Variants in CAMK4 observed in about 807,000 individuals in gnomAD.
CAMK4 encodes the protein calcium/calmodulin dependent protein kinase IV.
CAMK4 carries 22 observed loss-of-function variants against 44.9 expected under a neutral mutation model. That is an observed-to-expected ratio of 0.49 (90% CI 0.35 to 0.70). The LOEUF is 0.70. CAMK4 is among the 30% of genes least tolerant of loss of function. The probability of loss-of-function intolerance (pLI) is 0.01; values close to 1 mark genes in which losing one functional copy is unlikely to be tolerated. For missense variants in CAMK4, 498 were observed against 586.8 expected (o/e 0.85, Z 1.56); for synonymous variants, 218 against 215.4 (o/e 1.01, Z -0.11).
In CAMK4 at chr5:111,287,391, A is replaced by G. The variant is rs115391738; in HGVS notation, c.162-56633A>G. On this transcript the variant is annotated intron_variant, in intron 1 of 10. Transcript: ENST00000282356. ...TTAGAGTTTAGAAAAGATCAATAAAAAAAAGCTTTGGTTCATATTTCAAAA... is the reference window on the plus strand; with the variant it reads ...TTAGAGTTTAGAAAAGATCAATAAAGAAAAGCTTTGGTTCATATTTCAAAA... Among the ~76,000 whole-genome samples, 271 of 152,312 alleles carry G rather than the reference A, an allele frequency of 1.8e-3. 2 individuals are homozygous for G. The highest frequency in any genetic ancestry group is 6.1e-3 in the African/African-American group (252 of 41,584).
intron 1 of CAMK4, among the ~76,000 whole-genome samples, chr5:111,255,121 T>C (rs928299235): frequency 5.1e-4 from 78 of 152,304 alleles, no homozygotes; most frequent in African/African-American, 1.8e-3. Context: ...CAAAATTCCC[T>C]GGTGTAATTG....
At chr5:111,332,444 G>A (rs1749211269) in intron 1 of CAMK4, among the ~76,000 whole-genome samples, 1 of 151,412 alleles carries the variant, frequency 6.6e-6, no homozygotes, top group Non-Finnish European at 1.5e-5. Flanking sequence ...ATTCCACGAT[G>A]TATATGTGCC....
chr5:111,273,230 A>G (rs1750590746), intron 1 of CAMK4, among the ~76,000 whole-genome samples: 1 of 152,216 alleles, frequency 6.6e-6, no homozygotes, highest in African/African-American at 2.4e-5. Flanking sequence ...ACAAACATTT[A>G]TGATACAGTA....
chr5:111,360,010 G>A (rs560270225), intron 2 of CAMK4, among the ~76,000 whole-genome samples: 1 of 152,046 alleles, frequency 6.6e-6, no homozygotes, highest in South Asian at 2.1e-4. Flanking sequence ...AGGGGAATGT[G>A]GGTGAGTGTC....
chr5:111,460,271 C>A (rs386850), intron 7 of CAMK4, among the ~76,000 whole-genome samples: 1 of 131,584 alleles, frequency 7.6e-6, no homozygotes, highest in African/African-American at 2.9e-5. Context: ...TTTTCTTTTT[C>A]TTTTTTTTTT....
At chr5:111,232,076 C>G (rs1748499284) in intron 1 of CAMK4, among the ~76,000 whole-genome samples, 2 of 152,036 alleles carry the variant, frequency 1.3e-5, no homozygotes, top group African/African-American at 4.8e-5. Flanking sequence ...TTTGTGCTAC[C>G]TAAAGTCCTC....
intron 2 of CAMK4, among the ~76,000 whole-genome samples, chr5:111,346,657 G>T (rs577766716): frequency 1.3e-5 from 2 of 151,852 alleles, no homozygotes; most frequent in Non-Finnish European, 2.9e-5. Context: ...GAGCTGGCAG[G>T]GTTGGTTCCA....
intron 8 of CAMK4, among the ~76,000 whole-genome samples, chr5:111,474,567 A>G (rs1291907422): frequency 5.9e-5 from 9 of 152,186 alleles, no homozygotes. Flanking sequence ...GAGCTGGGGC[A>G]TCAACATATG....
intron 2 of CAMK4, among the ~76,000 whole-genome samples, chr5:111,367,474 AAAAACTCTAGAATGCACTGTGATTGGAC>A (rs1750836223): frequency 6.6e-6 from 1 of 152,096 alleles, no homozygotes; most frequent in Non-Finnish European, 1.5e-5. Context: ...AGTAACAGAT[AAAAACTCTAGAATGCACTGTGATTGGAC>A]AAAACTCTGA....
intron 1 of CAMK4, among the ~76,000 whole-genome samples, chr5:111,230,924 A>G (rs965239612): frequency 2.0e-5 from 3 of 152,120 alleles, no homozygotes; most frequent in African/African-American, 4.8e-5. Flanking sequence ...TCATACTGCA[A>G]AATATGGTGT....
chr5:111,367,989 C>T (rs2112809565), intron 2 of CAMK4, among the ~76,000 whole-genome samples: 1 of 152,232 alleles, frequency 6.6e-6, no homozygotes, highest in East Asian at 1.9e-4. Flanking sequence ...TTTCCTCACT[C>T]TCACTGTGTT....
chr5:111,465,460 AG>A (rs1297221712), intron 7 of CAMK4, among the ~76,000 whole-genome samples: 2 of 152,208 alleles, frequency 1.3e-5, no homozygotes, highest in African/African-American at 2.4e-5. Flanking sequence ...ACCATTAGCA[AG>A]ATAGACCAAG....
intron 5 of CAMK4, among the ~76,000 whole-genome samples, chr5:111,446,429 T>C (rs2112972179): frequency 6.6e-6 from 1 of 152,362 alleles, no homozygotes; most frequent in East Asian, 1.9e-4. Context: ...TTGTAACTAA[T>C]ATTAGCTGAG....
chr5:111,474,118 C>T (rs75386075), intron 8 of CAMK4, among the ~76,000 whole-genome samples: 54 of 151,894 alleles, frequency 3.6e-4, no homozygotes, highest in African/African-American at 1.3e-3. Flanking sequence ...TCGATGCTTT[C>T]AAGAGTTTAG....
chr5:111,260,622 A>C (rs1749932356), intron 1 of CAMK4, among the ~76,000 whole-genome samples: 1 of 152,132 alleles, frequency 6.6e-6, no homozygotes, highest in Non-Finnish European at 1.5e-5. Flanking sequence ...ATCCTCCTCC[A>C]GAAACACTGC....
At chr5:111,246,941 C>T (rs1037888462) in intron 1 of CAMK4, among the ~76,000 whole-genome samples, 2 of 152,086 alleles carry the variant, frequency 1.3e-5, no homozygotes, top group Non-Finnish European at 1.5e-5. Context: ...GCATACAGCT[C>T]CTGGTATCTC....
intron 1 of CAMK4, among the ~76,000 whole-genome samples, chr5:111,334,698 T>A (rs1749324025): frequency 2.0e-5 from 3 of 151,608 alleles, no homozygotes; most frequent in African/African-American, 7.3e-5. Flanking sequence ...TGATTGACAC[T>A]TCTTTTAAAT....
intron 2 of CAMK4, among the ~76,000 whole-genome samples, chr5:111,353,814 A>C (rs547715953): frequency 6.6e-6 from 1 of 152,272 alleles, no homozygotes; most frequent in South Asian, 2.1e-4. Context: ...CTGTACTCTG[A>C]AAACTGTAAA....
intron 1 of CAMK4, among the ~76,000 whole-genome samples, chr5:111,332,172 T>C (rs1170202634): frequency 6.6e-6 from 1 of 151,318 alleles, no homozygotes. Context: ...GCTGGTGTGC[T>C]GCACCCATTA....
Sources: gnomAD v4.1 joint callset for allele counts (sites outside exome capture counted in the v4.1 genomes callset) on GRCh38, gnomAD v4.1.1 for gene constraint, MANE v1.5 for transcripts, NCBI Gene and HGNC (gene_info 2026-07-23, HGNC 2026-07-21) for gene names.